The following CAPN7 variants were observed in gnomAD, a reference collection of about 807,000 sequenced individuals.
CAPN7 encodes calpain-7.
A neutral mutation model predicts 115.2 loss-of-function variants in CAPN7; 72 were observed. That is an observed-to-expected ratio of 0.63 (90% CI 0.52 to 0.76). The LOEUF is 0.76. Among genes scored for constraint, CAPN7 ranks in the 30% least tolerant of loss-of-function variants. CAPN7 has a pLI of 0.00. For synonymous variants in CAPN7, 344 were observed against 322.3 expected (o/e 1.07, Z -0.72); for missense variants, 905 against 971.5 (o/e 0.93, Z 0.91).
intron 4 of CAPN7, 22 bp from the exon 5 acceptor site, chr3:15,220,759 T>A (rs1693930834): frequency 6.2e-7 from 1 of 1,609,144 alleles, no homozygotes; most frequent in African/African-American, 1.3e-5. Flanking sequence ...CTAGAACAGT[T>A]GTTTGTTCCT....
rs1458528387 is a variant in CAPN7 at position 15,235,035 on chromosome 3, G to GATGTCCT, written c.1297_1298insATGTCCT (p.Gly433AspfsTer18). 6.2e-7 allele frequency: 1 copy of GATGTCCT among 1,609,420 alleles called. No homozygotes were observed. The highest frequency in any genetic ancestry group is 8.5e-7 in the Non-Finnish European group (1 of 1,178,696). ...TGGGGTTCATTCCAGATTTCACAAA[G>GATGTCCT]GAGATGTCCTCATCACTGCGTCAAC... On this transcript the variant is annotated frameshift_variant, in exon 12 of 21. Coordinates refer to ENST00000253693, the MANE Select transcript of CAPN7 (RefSeq NM_014296.3). LOFTEE classifies it high-confidence loss of function.
intron 10 of CAPN7, 125 bp from the exon 11 acceptor site, chr3:15,233,742 A>G (rs1173928573): frequency 1.6e-6 from 1 of 626,668 alleles, no homozygotes; most frequent in East Asian, 3.0e-5. Flanking sequence ...CTAGTTGAAA[A>G]CAACTACCTT....
At chr3:15,213,335 G>A (rs1196789489) in intron 2 of CAPN7, among the ~76,000 whole-genome samples, 3 of 152,070 alleles carry the variant, frequency 2.0e-5, no homozygotes, top group African/African-American at 7.3e-5. Flanking sequence ...ACTATGTATT[G>A]AATACATGTT....
At chr3:15,219,686 T>C (rs1215847178) in intron 4 of CAPN7, among the ~76,000 whole-genome samples, 1 of 152,246 alleles carries the variant, frequency 6.6e-6, no homozygotes, top group African/African-American at 2.4e-5. Flanking sequence ...TGAAATTTTT[T>C]TGCATATAAT....
rs2044626008 is a variant in CAPN7, at chr3:15,206,439, G to A, written c.-57G>A. On this transcript the variant is annotated 5_prime_UTR_variant, in exon 1 of 21. Transcript: ENST00000253693. ...CCGCCGCCGGGCCGCCGCAGTCCGC[G>A]AAGAGCCGTCCTGCGTCAGGGCCTC... 3.0e-6 allele frequency: 4 copies of A among 1,345,972 alleles called. No homozygotes were observed. Among genetic ancestry groups the A allele is most frequent in the Non-Finnish European group, 4.1e-6 (4 of 975,302 alleles). 83.4% of individuals were successfully genotyped at this position (1,345,972 alleles called of 1,614,324 possible).
intron 1 of CAPN7, among the ~76,000 whole-genome samples, chr3:15,211,368 G>A (rs903430079): frequency 5.9e-5 from 9 of 152,090 alleles, no homozygotes; most frequent in African/African-American, 2.2e-4. Context: ...AAAGGAAAAC[G>A]AAACATGTAA....
Position 15,223,480 on chromosome 3 carries a change from C to T in CAPN7, c.644C>T (p.Thr215Ile). The stretch of plus-strand genomic sequence containing the variant: ...TTTTTTCTCGTGTTTGATAGGACAA[C>T]ATCAAAAATAAATGGTATAGAATAT... ...TAEEIEVLRT[T>I]SKINGIEYVP... The change falls in exon 6 of 21, where the codon ACA (threonine) becomes ATA (isoleucine). Residue 215 changes from threonine to isoleucine, a missense_variant. Physicochemically the swap from Thr to Ile is moderately conservative, Grantham distance 89. This residue lies in a region of CAPN7 where 14 missense variants were observed against 28.5 expected (regional missense o/e 0.49). Coordinates refer to ENST00000253693, the MANE Select transcript of CAPN7 (RefSeq NM_014296.3). 2 of 1,601,102 alleles carry T rather than the reference C, an allele frequency of 1.2e-6. No individual in the cohort carries two copies. Among genetic ancestry groups the T allele is most frequent in the Non-Finnish European group, 1.7e-6 (2 of 1,169,528 alleles).
intron 12 of CAPN7, among the ~76,000 whole-genome samples, chr3:15,236,747 A>G (rs1398792369): frequency 1.3e-5 from 2 of 152,238 alleles, no homozygotes; most frequent in South Asian, 2.1e-4. Context: ...AGGCAGTTAT[A>G]ACAACTTGGT....
intron 12 of CAPN7, among the ~76,000 whole-genome samples, chr3:15,237,994 G>A (rs990124066): frequency 1.1e-4 from 16 of 150,726 alleles, no homozygotes; most frequent in African/African-American, 3.9e-4. Flanking sequence ...ATATATAAAG[G>A]TTTTCTCCAG....
chr3:15,211,613 G>C (rs2044954901), intron 1 of CAPN7, among the ~76,000 whole-genome samples: 1 of 151,992 alleles, frequency 6.6e-6, no homozygotes, highest in South Asian at 2.1e-4. Flanking sequence ...GTATGATTTG[G>C]GCCAGGTGTG....
intron 6 of CAPN7, 132 bp from the exon 7 acceptor site, chr3:15,227,707 A>T: frequency 2.3e-6 from 1 of 438,060 alleles, no homozygotes; most frequent in Non-Finnish European, 3.9e-6. Flanking sequence ...ATTTGACCAG[A>T]AGGTTATTTT....
chr3:15,217,690 A>C (rs1693719271), intron 3 of CAPN7, 108 bp downstream of exon 3: 1 of 891,036 alleles, frequency 1.1e-6, no homozygotes, highest in Non-Finnish European at 1.6e-6. Flanking sequence ...CAGAATAAAA[A>C]AAATTATTTT....
intron 2 of CAPN7, among the ~76,000 whole-genome samples, chr3:15,213,008 C>G (rs1001666028): frequency 1.2e-4 from 18 of 152,170 alleles, no homozygotes; most frequent in African/African-American, 4.1e-4. Context: ...TGACAGTTCC[C>G]TTAAAAACAA....
chr3:15,247,500 C>A, intron 19 of CAPN7, 43 bp downstream of exon 19: 1 of 1,512,002 alleles, frequency 6.6e-7, no homozygotes, highest in South Asian at 1.3e-5. Context: ...TGTTCTATTA[C>A]AAATGAACAT....
chr3:15,226,043 G>A (rs1419902554), intron 6 of CAPN7, among the ~76,000 whole-genome samples: 1 of 151,858 alleles, frequency 6.6e-6, no homozygotes, highest in African/African-American at 2.4e-5. Context: ...AATAAAATAA[G>A]CATTATTGAA....
intron 12 of CAPN7, among the ~76,000 whole-genome samples, chr3:15,239,415 C>G (rs1695207977): frequency 6.6e-6 from 1 of 152,174 alleles, no homozygotes; most frequent in African/African-American, 2.4e-5. Flanking sequence ...GTAATCAATT[C>G]TGTAGACATG....
At chr3:15,248,378 T>C (rs1346831833) in intron 19 of CAPN7, among the ~76,000 whole-genome samples, 2 of 152,030 alleles carry the variant, frequency 1.3e-5, no homozygotes, top group African/African-American at 4.8e-5. Flanking sequence ...AATGGATAAG[T>C]CTTAAAAAGC....
At chr3:15,226,851 C>G (rs1694348449) in intron 6 of CAPN7, among the ~76,000 whole-genome samples, 1 of 150,350 alleles carries the variant, frequency 6.7e-6, no homozygotes, top group Non-Finnish European at 1.5e-5. Context: ...TGTCAGCATT[C>G]TTTGAAAAAA....
chr3:15,233,391 A>C (rs1694804786), intron 10 of CAPN7, among the ~76,000 whole-genome samples: 1 of 152,248 alleles, frequency 6.6e-6, no homozygotes, highest in Non-Finnish European at 1.5e-5. Flanking sequence ...AATTAAATGC[A>C]ATAGGATGTT....
Sources: allele counts gnomAD v4.1 joint callset (sites outside exome capture counted in the v4.1 genomes callset), GRCh38; gene constraint gnomAD v4.1.1; regional missense constraint gnomAD v4.1.1; transcripts MANE v1.5; gene names NCBI Gene and HGNC (gene_info 2026-07-23, HGNC 2026-07-21).